The following ULK4 variants were observed in gnomAD, a reference collection of about 807,000 sequenced individuals.
ULK4 encodes unc-51 like kinase 4, also known as inactive serine/threonine-protein kinase ULK4.
A neutral mutation model predicts 160.6 loss-of-function variants in ULK4; 133 were observed. The ratio of observed to expected loss-of-function variants is 0.83; its 90% CI spans 0.72 to 0.96. The LOEUF (loss-of-function observed/expected upper bound fraction) is 0.96. Ranked by LOEUF, ULK4 falls within the 40% of genes least tolerant of loss-of-function variation. The probability of loss-of-function intolerance (pLI) is 0.00; values close to 1 mark genes in which losing one functional copy is unlikely to be tolerated. For synonymous variants in ULK4, 534 were observed against 539.8 expected (o/e 0.99, Z 0.15); for missense variants, 1,580 against 1,499.5 (o/e 1.05, Z -0.89).
chr3:41,747,457 C>A (rs1437893020), intron 22 of ULK4, among the ~76,000 whole-genome samples: 3 of 151,734 alleles, frequency 2.0e-5, no homozygotes, highest in African/African-American at 7.3e-5. Context: ...AGACTTGGAA[C>A]CTATTTATAC....
At chr3:41,359,312 A>G (rs1334147300) in intron 35 of ULK4, among the ~76,000 whole-genome samples, 1 of 152,246 alleles carries the variant, frequency 6.6e-6, no homozygotes, top group Non-Finnish European at 1.5e-5. Context: ...CAGAGGCCCA[A>G]CTGTAAAGAT....
At chr3:41,340,053 C>A (rs1038782624) in intron 35 of ULK4, among the ~76,000 whole-genome samples, 2 of 152,160 alleles carry the variant, frequency 1.3e-5, no homozygotes, top group African/African-American at 4.8e-5. Context: ...TCATTCTTCC[C>A]CTTTAACACT....
intron 27 of ULK4, among the ~76,000 whole-genome samples, chr3:41,704,443 C>T (rs1288299587): frequency 6.6e-6 from 1 of 152,196 alleles, no homozygotes; most frequent in East Asian, 1.9e-4. Flanking sequence ...AGCTAATTGT[C>T]TTCCTAACTG....
At chr3:41,518,014 C>T (rs28622395) in intron 32 of ULK4, among the ~76,000 whole-genome samples, 2,440 of 152,236 alleles carry the variant, frequency 0.016, 68 homozygotes, top group African/African-American at 0.056. Context: ...AAATCAGAAC[C>T]GTGTCTAACG....
chr3:41,440,994 T>C (rs887369887), intron 34 of ULK4, among the ~76,000 whole-genome samples: 2 of 152,086 alleles, frequency 1.3e-5, no homozygotes, highest in African/African-American at 4.8e-5. Flanking sequence ...TCTCTCCATA[T>C]TCTTCTCTCA....
chr3:41,800,018 C>A, intron 20 of ULK4, 114 bp downstream of exon 20: 6 of 1,072,162 alleles, frequency 5.6e-6, no homozygotes, highest in Non-Finnish European at 7.6e-6. Context: ...CAATATTACT[C>A]TGAGATTTCA....
At chr3:41,574,127 C>T (rs1220188903) in intron 31 of ULK4, among the ~76,000 whole-genome samples, 3 of 152,040 alleles carry the variant, frequency 2.0e-5, no homozygotes, top group Admixed American at 6.6e-5. Context: ...TGCCGTGAGC[C>T]GAGATTGAGC....
intron 18 of ULK4, among the ~76,000 whole-genome samples, chr3:41,831,531 A>ATATATTTTTTT: frequency 7.2e-5 from 10 of 138,128 alleles, no homozygotes; most frequent in African/African-American, 2.3e-4. Flanking sequence ...ATATATATAT[A>ATATATTTTTTT]TTTTTTTTTC....
intron 18 of ULK4, among the ~76,000 whole-genome samples, chr3:41,827,909 G>A (rs900648083): frequency 5.3e-5 from 8 of 151,930 alleles, no homozygotes; most frequent in Admixed American, 2.0e-4. Flanking sequence ...AATAAAATAC[G>A]GGCAAACCAA....
Position 41,402,340 on chromosome 3 carries a change from C to G in ULK4, c.3493-4076G>C, listed in dbSNP as rs560853205. Among the ~76,000 whole-genome samples the G allele has an allele frequency of 3.0e-4, 46 of 152,150 alleles. 1 individual carries two copies. The highest frequency in any genetic ancestry group is 1.1e-3 in the African/African-American group (44 of 41,528). On this transcript the variant is annotated intron_variant, in intron 34 of 36. Coordinates refer to ENST00000301831, the MANE Select transcript of ULK4 (RefSeq NM_017886.4). ...ATTTCTTCTTTTCCAACGGGTATTC[C>G]TTTTATTTCTTTCCATACCCTACAC...
intron 21 of ULK4, among the ~76,000 whole-genome samples, chr3:41,787,236 G>C (rs902902811): frequency 6.6e-6 from 1 of 152,086 alleles, no homozygotes; most frequent in African/African-American, 2.4e-5. Context: ...AGAGAGCTGG[G>C]GCTTTCATCC....
At chr3:41,678,914 G>A (rs1416785953) in intron 29 of ULK4, among the ~76,000 whole-genome samples, 1 of 152,138 alleles carries the variant, frequency 6.6e-6, no homozygotes, top group Non-Finnish European at 1.5e-5. Context: ...ATACTCAATG[G>A]AGAGCATGAA....
At chr3:41,558,339 G>A (rs752401189) in intron 32 of ULK4, among the ~76,000 whole-genome samples, 14 of 152,042 alleles carry the variant, frequency 9.2e-5, no homozygotes, top group East Asian at 3.9e-4. Flanking sequence ...TATTTATCAC[G>A]GGGGTAAGTG....
intron 7 of ULK4, among the ~76,000 whole-genome samples, chr3:41,918,019 A>ATAAG (rs1274172965): frequency 1.5e-4 from 8 of 53,314 alleles, no homozygotes; most frequent in Non-Finnish European, 3.9e-4. Flanking sequence ...AAATAAATAA[A>ATAAG]TAAATAAATA....
intron 30 of ULK4, among the ~76,000 whole-genome samples, chr3:41,640,028 T>A (rs1042538896): frequency 2.0e-5 from 3 of 152,174 alleles, no homozygotes; most frequent in African/African-American, 7.2e-5. Flanking sequence ...CTGAAGGATA[T>A]CAATGATTGG....
intron 4 of ULK4, among the ~76,000 whole-genome samples, chr3:41,933,157 C>G (rs1167994351): frequency 6.6e-6 from 1 of 152,212 alleles, no homozygotes; most frequent in Non-Finnish European, 1.5e-5. Flanking sequence ...GTGTGAGCAT[C>G]AGAATCCCCT....
At chr3:41,309,266 T>C (rs895798209) in intron 35 of ULK4, among the ~76,000 whole-genome samples, 1 of 151,926 alleles carries the variant, frequency 6.6e-6, no homozygotes, top group Non-Finnish European at 1.5e-5. Context: ...CAACATTCTC[T>C]AGATGTTTCA....
chr3:41,727,149 T>G (rs1423646707), intron 22 of ULK4, among the ~76,000 whole-genome samples: 2 of 152,350 alleles, frequency 1.3e-5, no homozygotes, highest in East Asian at 3.9e-4. Flanking sequence ...CGGCCTTCTA[T>G]TAAGACCTCC....
At chr3:41,733,866 C>T (rs1309346829) in intron 22 of ULK4, among the ~76,000 whole-genome samples, 2 of 151,550 alleles carry the variant, frequency 1.3e-5, no homozygotes, top group Non-Finnish European at 2.9e-5. Context: ...TCCCAAGTAG[C>T]TGTGATTACA....
Sources: gnomAD v4.1 joint callset for allele counts (sites outside exome capture counted in the v4.1 genomes callset) on GRCh38, gnomAD v4.1.1 for gene constraint, MANE v1.5 for transcripts, NCBI Gene and HGNC (gene_info 2026-07-23, HGNC 2026-07-21) for gene names.